Variants in MCM9 observed in about 807,000 individuals in gnomAD.
MCM9 encodes minichromosome maintenance 9 homologous recombination repair factor, also known as DNA helicase MCM9.
In MCM9, 55 loss-of-function variants were observed where a neutral mutation model predicts 72.8. That is an observed-to-expected ratio of 0.76 (90% CI 0.61 to 0.95). The LOEUF (loss-of-function observed/expected upper bound fraction) is 0.95. MCM9 is among the 40% of genes least tolerant of loss of function. The pLI is 0.00. For missense variants in MCM9, 1,279 were observed against 1,377.0 expected (o/e 0.93, Z 1.13); for synonymous variants, 480 against 503.4 (o/e 0.95, Z 0.62).
rs1389360352 is a variant in MCM9, at chr6:118,921,989, A to T, written c.703+16T>A. On this transcript the variant is annotated intron_variant, in intron 5 of 13. Coordinates refer to ENST00000619706, the MANE Select transcript of MCM9 (RefSeq NM_017696.3). ...GACTACCTACACAAGCTAAAAAAAA[A>T]TTCCCCTCTTCTTACCAGATTTGCA... 1.9e-6 allele frequency: 3 copies of T among 1,599,220 alleles called. No homozygotes were observed. The East Asian group carries it at 6.7e-5, about 36-fold the overall frequency.
intron 8 of MCM9, among the ~76,000 whole-genome samples, chr6:118,909,665 T>C (rs575766833): frequency 1.0e-3 from 152 of 152,350 alleles, no homozygotes; most frequent in Non-Finnish European, 1.9e-3. Flanking sequence ...TCCAGAGGTC[T>C]GAAGAAGTAT....
intron 9 of MCM9, among the ~76,000 whole-genome samples, chr6:118,843,867 G>C (rs1775679243): frequency 6.6e-6 from 1 of 151,062 alleles, no homozygotes; most frequent in Admixed American, 6.6e-5. Context: ...CTTGAGACAG[G>C]AGAAAGAGAA....
chr6:118,917,554 C>A lies in MCM9; in HGVS notation c.904+7G>T. 1 of 1,613,744 alleles carries A rather than the reference C, an allele frequency of 6.2e-7. No individual in the cohort carries two copies. Among genetic ancestry groups the A allele is most frequent in the South Asian group, 1.1e-5 (1 of 91,054 alleles). On this transcript the variant is annotated splice_region_variant and intron_variant, in intron 6 of 13. Coordinates refer to ENST00000619706, the MANE Select transcript of MCM9 (RefSeq NM_017696.3). ...ATAATAATCAGTTTTAGCCCTTAAA[C>A]ACAAACCTGCAAAGGGATCGCTCTT...
intron 10 of MCM9, 105 bp from the exon 11 acceptor site, chr6:118,828,235 C>T (rs1320147282): frequency 1.1e-6 from 1 of 916,132 alleles, no homozygotes; most frequent in Non-Finnish European, 1.6e-6. Context: ...AGATAACCTT[C>T]ATGTTTTGTG....
intron 8 of MCM9, among the ~76,000 whole-genome samples, chr6:118,889,534 G>C (rs1315482351): frequency 6.6e-6 from 1 of 152,234 alleles, no homozygotes; most frequent in African/African-American, 2.4e-5. Context: ...TAGAGGGTTA[G>C]AGAGAAAAGG....
chr6:118,846,912 T>C (rs911672663), intron 9 of MCM9, among the ~76,000 whole-genome samples: 1 of 151,558 alleles, frequency 6.6e-6, no homozygotes, highest in Non-Finnish European at 1.5e-5. Flanking sequence ...AGAATAAAAA[T>C]ACTTCCGTTG....
intron 3 of MCM9, among the ~76,000 whole-genome samples, chr6:118,930,594 G>A (rs1395967187): frequency 6.6e-6 from 1 of 152,030 alleles, no homozygotes; most frequent in Non-Finnish European, 1.5e-5. Context: ...TTTTAATTAG[G>A]GGGTTGACAG....
chr6:118,896,071 G>T, intron 8 of MCM9, among the ~76,000 whole-genome samples: 1 of 146,562 alleles, frequency 6.8e-6, no homozygotes, highest in Non-Finnish European at 1.5e-5. Flanking sequence ...CCTATATAGA[G>T]CATAAATGCA....
At chr6:118,922,675 T>A (rs1472661747) in intron 4 of MCM9, among the ~76,000 whole-genome samples, 1 of 152,186 alleles carries the variant, frequency 6.6e-6, no homozygotes, top group Admixed American at 6.5e-5. Flanking sequence ...ACAACACACA[T>A]GTGATGGAGT....
chr6:118,835,541 A>G (rs759618936), intron 9 of MCM9, among the ~76,000 whole-genome samples: 1 of 152,282 alleles, frequency 6.6e-6, no homozygotes, highest in Admixed American at 6.5e-5. Context: ...AGTGGTTTGT[A>G]GTTCTCCTTG....
chr6:118,910,458 C>T (rs975410200), intron 8 of MCM9: 1 of 189,326 alleles, frequency 5.3e-6, no homozygotes, highest in African/African-American at 2.4e-5. Context: ...TACTTTTATA[C>T]TAATTCACTA....
At chr6:118,843,718 ATG>A (rs1231658546) in intron 9 of MCM9, among the ~76,000 whole-genome samples, 4,526 of 74,596 alleles carry the variant, frequency 0.061, 214 homozygotes, top group East Asian at 0.25. Flanking sequence ...GTATATATAT[ATG>A]TATATATATA....
chr6:118,866,838 C>T (rs1777247759), intron 8 of MCM9, among the ~76,000 whole-genome samples: 1 of 152,006 alleles, frequency 6.6e-6, no homozygotes, highest in African/African-American at 2.4e-5. Flanking sequence ...CAAACAATAC[C>T]AAATAAGATG....
rs1343685783 is a variant in MCM9, at chr6:118,828,242, T to C, written c.1529-112A>G. On this transcript the variant is annotated intron_variant, in intron 10 of 13. Transcript: ENST00000619706. ...TTGTTAAAAGATAACCTTCATGTTTTGTGGTTATTGAAATCTAGACTTGTC... is the reference window on the plus strand; with the variant it reads ...TTGTTAAAAGATAACCTTCATGTTTCGTGGTTATTGAAATCTAGACTTGTC... 5.8e-6 allele frequency: 5 copies of C among 863,184 alleles called. No individual in the cohort carries two copies. In the East Asian group the frequency reaches 1.3e-4, roughly 23 times the overall value. The allele number at this position is 863,184 out of a possible 1,614,324, so 53.5% of individuals were successfully genotyped here. A position where few individuals can be genotyped will look rare whatever the true frequency, so the allele number is the denominator to read the frequency against.
At chr6:118,907,162 G>A (rs1371502355) in intron 8 of MCM9, among the ~76,000 whole-genome samples, 5 of 152,152 alleles carry the variant, frequency 3.3e-5, no homozygotes, top group Non-Finnish European at 7.4e-5. Flanking sequence ...TAAAAAGCCA[G>A]ATGAATCCCC....
chr6:118,856,954 G>C (rs1161566272), intron 8 of MCM9, among the ~76,000 whole-genome samples: 3 of 152,196 alleles, frequency 2.0e-5, no homozygotes, highest in African/African-American at 7.2e-5. Flanking sequence ...AGGGCATAAA[G>C]ACTTTTATTT....
chr6:118,928,671 C>A (rs1297084963), intron 3 of MCM9, among the ~76,000 whole-genome samples: 1 of 146,048 alleles, frequency 6.8e-6, no homozygotes, highest in Non-Finnish European at 1.5e-5. Flanking sequence ...AACACAGAGA[C>A]CCCACCTCTA....
intron 8 of MCM9, among the ~76,000 whole-genome samples, chr6:118,909,854 C>T (rs1263165013): frequency 6.6e-5 from 10 of 152,290 alleles, no homozygotes; most frequent in South Asian, 2.1e-4. Context: ...CAGTGGCTCA[C>T]GCCTGTAATC....
At chr6:118,901,798 A>C in intron 8 of MCM9, among the ~76,000 whole-genome samples, 1 of 152,220 alleles carries the variant, frequency 6.6e-6, no homozygotes, top group East Asian at 1.9e-4. Flanking sequence ...AGTGGAACTC[A>C]CTGAAAAGAC....
Sources: allele counts gnomAD v4.1 joint callset (sites outside exome capture counted in the v4.1 genomes callset), GRCh38; gene constraint gnomAD v4.1.1; transcripts MANE v1.5; gene names NCBI Gene and HGNC (gene_info 2026-07-23, HGNC 2026-07-21).